GAREM1: variants seen among roughly 807,000 people sequenced by gnomAD.
The protein encoded by GAREM1 is GRB2 associated regulator of MAPK1 subtype 1, also known as GRB2-associated and regulator of MAPK protein 1.
A neutral mutation model predicts 71.3 loss-of-function variants in GAREM1; 26 were observed. The ratio of observed to expected loss-of-function variants is 0.36; its 90% confidence interval spans 0.27 to 0.51. GAREM1 has a LOEUF of 0.51. Among genes scored for constraint, GAREM1 ranks in the 20% least tolerant of loss-of-function variants. GAREM1 has a pLI of 0.95. For synonymous variants in GAREM1, 440 were observed against 433.2 expected, an observed-to-expected ratio of 1.02 and a Z score of -0.20; for missense variants, 1,026 against 1,103.1, an observed-to-expected ratio of 0.93 and a Z score of 0.99.
At chr18:32,292,337 G>T (rs1205036256) in intron 3 of GAREM1, among the ~76,000 whole-genome samples, 1 of 152,052 alleles carries the variant, frequency 6.6e-6, no homozygotes, top group Non-Finnish European at 1.5e-5. Context: ...TTTTGATGGG[G>T]TTGTTTTTTT....
intron 3 of GAREM1, among the ~76,000 whole-genome samples, chr18:32,300,768 T>C (rs974187188): frequency 2.6e-5 from 4 of 151,088 alleles, no homozygotes; most frequent in Non-Finnish European, 5.9e-5. Context: ...TAGCCAGGCA[T>C]GGTGGTGCAT....
chr18:32,357,381 C>T (rs933804047), intron 2 of GAREM1, among the ~76,000 whole-genome samples: 2 of 152,232 alleles, frequency 1.3e-5, no homozygotes, highest in African/African-American at 4.8e-5. Flanking sequence ...TCCTTTTAAA[C>T]TCTCAAGACA....
intron 1 of GAREM1, among the ~76,000 whole-genome samples, chr18:32,447,480 T>C (rs1016523342): frequency 7.9e-5 from 12 of 152,312 alleles, no homozygotes; most frequent in African/African-American, 2.6e-4. Context: ...ATTCCCTTTA[T>C]AGAAAAGTAA....
In GAREM1 at chr18:32,425,215, T is replaced by C. The variant is rs546306506; in HGVS notation, c.122-32180A>G. On this transcript the variant is annotated intron_variant, in intron 1 of 5. Coordinates refer to ENST00000269209, the MANE Select transcript of GAREM1 (RefSeq NM_001242409.2). ...AACTCAGCAGCTCCCACTTTAAAAA[T>C]ATATATTTTTTCCACATTAATGATA... 2.6e-5 allele frequency among the ~76,000 whole-genome samples: 4 copies of C among 152,272 alleles called. No homozygotes were observed. In the East Asian group the frequency reaches 7.7e-4, roughly 29 times the overall value.
chr18:32,303,848 G>A (rs900920444), intron 3 of GAREM1, among the ~76,000 whole-genome samples: 2 of 152,084 alleles, frequency 1.3e-5, no homozygotes, highest in Admixed American at 6.6e-5. Context: ...TTGCGCCCAG[G>A]AGTTCAAGGC....
intron 2 of GAREM1, among the ~76,000 whole-genome samples, chr18:32,377,112 T>G (rs575034655): frequency 1.3e-5 from 2 of 151,452 alleles, no homozygotes; most frequent in East Asian, 3.9e-4. Flanking sequence ...CACTAAGGAG[T>G]TGACCAGGAC....
In GAREM1 at chr18:32,455,292, G is replaced by A. The variant is rs182516368; in HGVS notation, c.121+15016C>T. 7.2e-5 allele frequency among the ~76,000 whole-genome samples: 11 copies of A among 152,250 alleles called. No homozygotes were observed. In the East Asian group the frequency reaches 1.2e-3, roughly 16 times the overall value. The stretch of plus-strand genomic sequence containing the variant: ...AATATAAGTCCATGAAAAACTGGGG[G>A]AAAGGTAAACAAAATGTAAGGGAAA... On this transcript the variant is annotated intron_variant, in intron 1 of 5. Transcript: ENST00000269209.
At chr18:32,291,215 TAAAA>T (rs113147103) in intron 3 of GAREM1, among the ~76,000 whole-genome samples, 1 of 137,326 alleles carries the variant, frequency 7.3e-6, no homozygotes, top group Non-Finnish European at 1.6e-5. Context: ...TATTGTTAAA[TAAAA>T]AAAAATAAAG....
In GAREM1 at chr18:32,379,175, C is replaced by A. The variant is rs147255848; in HGVS notation, c.262+13720G>T. On this transcript the variant is annotated intron_variant, in intron 2 of 5. Transcript: ENST00000269209. The stretch of plus-strand genomic sequence containing the variant: ...AACAGCAGTGTATAAAAGCCCTGGC[C>A]CAGATACTGCATGAGAGGTGCTCCC... 7.8e-3 allele frequency among the ~76,000 whole-genome samples: 1,185 copies of A among 152,104 alleles called. 16 individuals are homozygous for A. Among genetic ancestry groups the A allele is most frequent in the South Asian group, 0.04 (193 of 4,806 alleles).
At chr18:32,269,834 C>T (rs2041431402) in intron 5 of GAREM1, among the ~76,000 whole-genome samples, 1 of 152,118 alleles carries the variant, frequency 6.6e-6, no homozygotes, top group African/African-American at 2.4e-5. Context: ...CAATGGGACC[C>T]TTTCCATTTT....
intron 2 of GAREM1, among the ~76,000 whole-genome samples, chr18:32,376,874 TAAAC>T (rs1038498980): frequency 7.9e-5 from 12 of 151,816 alleles, no homozygotes; most frequent in African/African-American, 1.9e-4. Flanking sequence ...AACAAATAAA[TAAAC>T]AAAAAACAAA....
chr18:32,425,413 G>T (rs946195758), intron 1 of GAREM1, among the ~76,000 whole-genome samples: 1 of 152,044 alleles, frequency 6.6e-6, no homozygotes, highest in Admixed American at 6.6e-5. Context: ...TAAACATTGT[G>T]GGAAAAGATT....
intron 1 of GAREM1, among the ~76,000 whole-genome samples, chr18:32,395,507 C>T (rs939657811): frequency 6.6e-6 from 1 of 152,206 alleles, no homozygotes; most frequent in African/African-American, 2.4e-5. Context: ...ACAGTTCACA[C>T]ATTTATTTTT....
At chr18:32,278,477 G>A (rs1419322680) in intron 4 of GAREM1, among the ~76,000 whole-genome samples, 1 of 152,188 alleles carries the variant, frequency 6.6e-6, no homozygotes, top group African/African-American at 2.4e-5. Flanking sequence ...CTGTAGGGGA[G>A]CTTGATTTAA....
intron 1 of GAREM1, among the ~76,000 whole-genome samples, chr18:32,414,489 T>C (rs79435461): frequency 0.013 from 1,980 of 151,870 alleles, 26 homozygotes; most frequent in South Asian, 0.044. Context: ...TCTTAAAACA[T>C]GCAAAAAAAC....
intron 1 of GAREM1, among the ~76,000 whole-genome samples, chr18:32,426,966 T>C (rs1391557188): frequency 6.6e-6 from 1 of 152,234 alleles, no homozygotes; most frequent in African/African-American, 2.4e-5. Context: ...TCATATATTT[T>C]CATGCACTTT....
At chr18:32,404,463 A>C (rs1380463005) in intron 1 of GAREM1, among the ~76,000 whole-genome samples, 4 of 150,710 alleles carry the variant, frequency 2.7e-5, no homozygotes, top group South Asian at 4.2e-4. Context: ...AAAAAAAAAA[A>C]CCCTGGTTGA....
At chr18:32,357,071 C>T (rs1004518393) in intron 2 of GAREM1, among the ~76,000 whole-genome samples, 25 of 152,196 alleles carry the variant, frequency 1.6e-4, no homozygotes, top group African/African-American at 5.5e-4. Context: ...GGATTCCTTT[C>T]GTACAAAGAA....
At chr18:32,447,493 C>T (rs546983683) in intron 1 of GAREM1, among the ~76,000 whole-genome samples, 22 of 152,164 alleles carry the variant, frequency 1.4e-4, no homozygotes, top group African/African-American at 5.1e-4. Flanking sequence ...AAAAGTAAGG[C>T]TTTTAAAAGA....
Sources: gnomAD v4.1 joint callset for allele counts (sites outside exome capture counted in the v4.1 genomes callset) on GRCh38, gnomAD v4.1.1 for gene constraint, MANE v1.5 for transcripts, NCBI Gene and HGNC (gene_info 2026-07-23, HGNC 2026-07-21) for gene names.